The following TTC39A variants were observed in gnomAD, a reference collection of about 807,000 sequenced individuals.
TTC39A encodes tetratricopeptide repeat protein 39A.
In TTC39A, 46 loss-of-function variants were observed where a neutral mutation model predicts 82.3. That is an observed-to-expected ratio of 0.56 (90% CI 0.44 to 0.71). The LOEUF is 0.71. TTC39A is among the 30% of genes least tolerant of loss of function. The pLI is 0.00. For synonymous variants in TTC39A, 254 were observed against 275.2 expected (o/e 0.92, Z 0.76); for missense variants, 543 against 712.9 (o/e 0.76, Z 2.71).
intron 4 of TTC39A, 129 bp downstream of exon 4, chr1:51,311,990 T>C (rs1569898807): frequency 1.0e-6 from 1 of 1,003,004 alleles, no homozygotes; most frequent in Non-Finnish European, 1.4e-6. Flanking sequence ...CTCTGACCCA[T>C]GTGTGTCCTG....
intron 12 of TTC39A, chr1:51,298,413 C>T (rs1644525917): frequency 6.5e-6 from 1 of 152,826 alleles, no homozygotes; most frequent in African/African-American, 2.4e-5. Context: ...CCCCTACACT[C>T]CTTAAACTCT....
Position 51,301,942 on chromosome 1 carries a change from A to C in TTC39A, c.892-209T>G, listed in dbSNP as rs187641997. 1.8e-5 allele frequency: 12 copies of C among 672,316 alleles called. No homozygotes were observed. In the Admixed American group the frequency reaches 2.3e-4, roughly 13 times the overall value. 41.6% of individuals were successfully genotyped at this position (672,316 alleles called of 1,614,324 possible). A position where few individuals can be genotyped will look rare whatever the true frequency, so the allele number is the denominator to read the frequency against. On this transcript the variant is annotated intron_variant, in intron 11 of 17. Transcript: ENST00000680483. ...CTAAGTCTTACATGACGTTGGGCTC[A>C]AATACAGCCCCCGCCTAGGACTCTG...
intron 2 of TTC39A, among the ~76,000 whole-genome samples, chr1:51,319,693 CT>C (rs148207553): frequency 2.0e-3 from 288 of 141,546 alleles, no homozygotes; most frequent in Admixed American, 3.0e-3. Context: ...TTTTCTTTTT[CT>C]TTTTTTTTTT....
At position 51,305,065 on chromosome 1, in the gene TTC39A, G is replaced by A; in HGVS notation, c.654+16C>T. On this transcript the variant is annotated intron_variant, in intron 8 of 17. Transcript: ENST00000680483. ...GGGGCTGAGCAGGTCAGGGGTGCTA[G>A]GAGGCAGGTGGTTACCTTGTTTCCT... 2 of 1,612,944 alleles carry A rather than the reference G, an allele frequency of 1.2e-6. No homozygotes were observed. Among genetic ancestry groups the A allele is most frequent in the Admixed American group, 1.7e-5 (1 of 60,008 alleles).
chr1:51,312,697 A>G, intron 3 of TTC39A, 115 bp downstream of exon 3: 1 of 1,459,890 alleles, frequency 6.8e-7, no homozygotes, highest in Non-Finnish European at 9.3e-7. Flanking sequence ...ATGCAGACAC[A>G]ACCTCTTAGC....
upstream of TTC39A, chr1:51,331,210 T>C (rs1303155192): frequency 6.5e-7 from 1 of 1,550,272 alleles, no homozygotes. Context: ...AAGCCAACAC[T>C]CTGGCCCCTT....
At position 51,288,671 on chromosome 1, in the gene TTC39A, A is replaced by G. The variant is rs1046877176; in HGVS notation, c.1610+168T>C. On this transcript the variant is annotated intron_variant, in intron 17 of 17. Transcript: ENST00000680483. This position sits in a 1 kb window ranked among gnomAD's most constrained non-coding sequence, Gnocchi z 4.8. ...TATACATTAAGAAAGAAGTCTTCCT[A>G]TGACAGGCGAGAGCTGGATTCCGAG... Among the ~76,000 whole-genome samples the G allele has an allele frequency of 2.0e-5, 3 of 152,172 alleles. No individual in the cohort carries two copies. The highest frequency in any genetic ancestry group is 1.3e-4 in the Admixed American group (2 of 15,282).
At chr1:51,339,029 A>G (rs1258547188) in intron 1 of TTC39A, among the ~76,000 whole-genome samples, 1 of 152,192 alleles carries the variant, frequency 6.6e-6, no homozygotes, top group Non-Finnish European at 1.5e-5. Context: ...TCAACCTGAG[A>G]TTTAGCTACT....
In TTC39A at chr1:51,288,972, A is replaced by G. The variant is rs773740007; in HGVS notation, c.1494-17T>C. ...TTCTTTTCACTGCAGAACAGAGGAC[A>G]TGGCTCAGGTTCCTCCTCCTGAGCC... is the stretch of plus-strand genomic sequence containing the variant. On this transcript the variant is annotated splice_polypyrimidine_tract_variant and intron_variant, in intron 16 of 17. Transcript: ENST00000680483. The surrounding 1 kb of genome is among the most constrained non-coding windows in gnomAD (Gnocchi z 4.8). 2.5e-6 allele frequency: 4 copies of G among 1,572,840 alleles called. No homozygotes were observed. Among genetic ancestry groups the G allele is most frequent in the South Asian group, 1.2e-5 (1 of 85,830 alleles).
chr1:51,319,685 TTC>T (rs1165727249), intron 2 of TTC39A, among the ~76,000 whole-genome samples: 1 of 151,682 alleles, frequency 6.6e-6, no homozygotes, highest in Admixed American at 6.6e-5. Context: ...TTTCTTTTTT[TTC>T]TTTTTCTTTT....
chr1:51,312,066 GGA>G, intron 4 of TTC39A, 51 bp downstream of exon 4: 1 of 1,567,126 alleles, frequency 6.4e-7, no homozygotes, highest in Non-Finnish European at 8.7e-7. Flanking sequence ...TCCTGGGCCT[GGA>G]GCTGGCCACC....
At chr1:51,334,440 T>C (rs1645949420), upstream of TTC39A, among the ~76,000 whole-genome samples, 1 of 151,456 alleles carries the variant, frequency 6.6e-6, no homozygotes, top group South Asian at 2.1e-4. Flanking sequence ...GAGGCGGAGG[T>C]TGCGGTGAAC....
intron 1 of TTC39A, among the ~76,000 whole-genome samples, chr1:51,326,813 G>C (rs1645728572): frequency 6.6e-6 from 1 of 152,192 alleles, no homozygotes; most frequent in Non-Finnish European, 1.5e-5. Context: ...CTTTTCCAAG[G>C]ACACCTTGCC....
chr1:51,316,773 C>T (rs1191612167), intron 2 of TTC39A, among the ~76,000 whole-genome samples: 2 of 152,234 alleles, frequency 1.3e-5, no homozygotes, highest in African/African-American at 4.8e-5. Flanking sequence ...TGCACCCCCA[C>T]ACATGCCCCC....
At position 51,330,130 on chromosome 1, in the gene TTC39A, G is replaced by A. The variant is rs1179706325; in HGVS notation, c.41+307C>T. On this transcript the variant is annotated intron_variant, in intron 1 of 17. Coordinates refer to ENST00000680483, the MANE Select transcript of TTC39A (RefSeq NM_001297663.2). The surrounding 1 kb of genome is among the most constrained non-coding windows in gnomAD (Gnocchi z 4.5). ...GAGAGTAACAGGGCCCACCCCACAG[G>A]AGTGAACGCCACGAGGCAGGTGGGG... is the stretch of plus-strand genomic sequence containing the variant. The A allele has an allele frequency of 2.0e-6, 2 of 985,336 alleles. No individual in the cohort carries two copies. Among genetic ancestry groups the A allele is most frequent in the South Asian group, 4.7e-5 (1 of 21,298 alleles). 61.0% of individuals were successfully genotyped at this position (985,336 alleles called of 1,614,324 possible). A position where few individuals can be genotyped will look rare whatever the true frequency, so the allele number is the denominator to read the frequency against.
At chr1:51,297,405 G>C (rs1644478143) in intron 12 of TTC39A, 1 of 152,242 alleles carries the variant, frequency 6.6e-6, no homozygotes. Flanking sequence ...TTTTAGTAGA[G>C]ACGGGGTTTC....
intron 1 of TTC39A, among the ~76,000 whole-genome samples, chr1:51,341,921 C>T (rs919546475): frequency 1.3e-5 from 2 of 152,220 alleles, no homozygotes; most frequent in African/African-American, 4.8e-5. Context: ...GCTCCTCCAG[C>T]TCAGGCTGAA....
upstream of TTC39A, chr1:51,330,696 C>CG: frequency 2.2e-6 from 2 of 916,486 alleles, no homozygotes; most frequent in African/African-American, 1.8e-5. This position sits in a 1 kb window ranked among gnomAD's most constrained non-coding sequence, Gnocchi z 4.5. Flanking sequence ...CCCGCACCGC[C>CG]GGGGGTTCTG....
Position 51,321,875 on chromosome 1 carries a change from C to T in TTC39A, c.42-50G>A. Reference sequence around the variant, plus strand: ...ACACAGGGGCCCTCCAACCCTCCAGCCTCTCCTGGCTGGAACAGAGCCTCA... The same window carrying T: ...ACACAGGGGCCCTCCAACCCTCCAGTCTCTCCTGGCTGGAACAGAGCCTCA... On this transcript the variant is annotated intron_variant, in intron 1 of 17. Transcript: ENST00000680483. This position sits in a 1 kb window ranked among gnomAD's most constrained non-coding sequence, Gnocchi z 4.6. 6.5e-7 allele frequency: 1 copy of T among 1,546,136 alleles called. No individual in the cohort carries two copies. Among genetic ancestry groups the T allele is most frequent in the Non-Finnish European group, 8.8e-7 (1 of 1,132,230 alleles).
Sources: gnomAD v4.1 joint callset for allele counts (sites outside exome capture counted in the v4.1 genomes callset) on GRCh38, gnomAD v4.1.1 for gene constraint, Gnocchi (gnomAD v3.1) non-coding constraint, MANE v1.5 for transcripts, NCBI Gene and HGNC (gene_info 2026-07-23, HGNC 2026-07-21) for gene names.